CD2AP: variants seen among roughly 807,000 people sequenced by gnomAD.
CD2AP encodes CD2-associated protein.
A neutral mutation model predicts 85.1 loss-of-function variants in CD2AP; 46 were observed. The observed-to-expected ratio is 0.54, with a 90% CI of 0.43 to 0.69. CD2AP has a LOEUF of 0.69. Among genes scored for constraint, CD2AP ranks in the 30% least tolerant of loss-of-function variants. The pLI is 0.00. For synonymous variants in CD2AP, 255 were observed against 252.9 expected (o/e 1.01, Z -0.08); for missense variants, 769 against 729.5 (o/e 1.05, Z -0.62).
intron 12 of CD2AP, among the ~76,000 whole-genome samples, chr6:47,599,089 A>G (rs1769032610): frequency 7.1e-6 from 1 of 140,430 alleles, no homozygotes; most frequent in Admixed American, 7.0e-5. Flanking sequence ...ATTTTATGTT[A>G]TAATAATTTT....
At chr6:47,488,001 T>C (rs1035389795) in intron 1 of CD2AP, among the ~76,000 whole-genome samples, 4 of 151,358 alleles carry the variant, frequency 2.6e-5, no homozygotes, top group Non-Finnish European at 5.9e-5. Flanking sequence ...ATGAAATTAC[T>C]GTTTCAAGAT....
chr6:47,539,967 C>T (rs916930234), intron 3 of CD2AP, among the ~76,000 whole-genome samples: 1 of 151,444 alleles, frequency 6.6e-6, no homozygotes, highest in Non-Finnish European at 1.5e-5. Context: ...TCACTTGAGC[C>T]CAGGAGTTCA....
intron 5 of CD2AP, chr6:47,562,924 A>C: frequency 1.6e-6 from 1 of 622,274 alleles, no homozygotes; most frequent in Non-Finnish European, 3.0e-6. Context: ...AGAAAACCCT[A>C]TAAAGAAATT....
chr6:47,534,561 C>T (rs1161976178), intron 3 of CD2AP, among the ~76,000 whole-genome samples: 1 of 152,000 alleles, frequency 6.6e-6, no homozygotes, highest in Non-Finnish European at 1.5e-5. Context: ...ACAAATTAGC[C>T]GGGCGTGGAG....
intron 11 of CD2AP, among the ~76,000 whole-genome samples, chr6:47,583,675 G>A (rs1044898944): frequency 7.2e-5 from 11 of 152,166 alleles, no homozygotes; most frequent in Non-Finnish European, 1.3e-4. Flanking sequence ...CTCACTGAGG[G>A]ACATCGTGAT....
At chr6:47,542,517 C>T (rs1297239823) in intron 3 of CD2AP, among the ~76,000 whole-genome samples, 21 of 152,084 alleles carry the variant, frequency 1.4e-4, no homozygotes, top group Admixed American at 1.4e-3. Context: ...GCTGTGCTCT[C>T]ATGAATGGGT....
In CD2AP at chr6:47,542,718, T is replaced by C. The variant is rs184225400; in HGVS notation, c.320-1888T>C. On this transcript the variant is annotated intron_variant, in intron 3 of 17. Coordinates refer to ENST00000359314, the MANE Select transcript of CD2AP (RefSeq NM_012120.3). ...CATTACCTAGTCTCAGGTATTTTGT[T>C]ATAGCAGCACAAATAAACCATATCA... Among the ~76,000 whole-genome samples, 181 of 152,272 alleles carry C rather than the reference T, an allele frequency of 1.2e-3. 2 individuals carry two copies. The highest frequency in any genetic ancestry group is 4.2e-3 in the African/African-American group (173 of 41,546).
At chr6:47,532,999 G>T (rs1766930668) in intron 2 of CD2AP, among the ~76,000 whole-genome samples, 1 of 152,100 alleles carries the variant, frequency 6.6e-6, no homozygotes, top group Non-Finnish European at 1.5e-5. Flanking sequence ...CCAGCCCACA[G>T]GACAAGTCTG....
chr6:47,486,085 ACAT>A (rs1200219468), intron 1 of CD2AP, among the ~76,000 whole-genome samples: 1 of 152,246 alleles, frequency 6.6e-6, no homozygotes, highest in East Asian at 1.9e-4. Flanking sequence ...TCACAAGGTC[ACAT>A]CATCAAGCAA....
Position 47,627,247 on chromosome 6 carries a change from A to G in CD2AP, c.*3020A>G, listed in dbSNP as rs972450394. 8.5e-5 allele frequency: 13 copies of G among 152,178 alleles called. No individual in the cohort carries two copies. Among genetic ancestry groups the G allele is most frequent in the African/African-American group, 3.1e-4 (13 of 41,446 alleles). The allele number at this position is 152,178 out of a possible 1,614,324, so 9.4% of individuals were successfully genotyped here. A position where few individuals can be genotyped will look rare whatever the true frequency, so the allele number is the denominator to read the frequency against. ...TTCCAAATACAAGAATAAATAGTAA[A>G]CCAAAAACATTAAAAATTCTAGACC... On this transcript the variant is annotated 3_prime_UTR_variant, in exon 18 of 18. Coordinates refer to ENST00000359314, the MANE Select transcript of CD2AP (RefSeq NM_012120.3).
At chr6:47,514,299 TA>T (rs1766397445) in intron 2 of CD2AP, among the ~76,000 whole-genome samples, 1 of 152,238 alleles carries the variant, frequency 6.6e-6, no homozygotes, top group South Asian at 2.1e-4. Flanking sequence ...ATTTCATTTT[TA>T]TTTTGTAGCT....
Position 47,624,901 on chromosome 6 carries a change from A to G in CD2AP, c.*674A>G, listed in dbSNP as rs2114170314. On this transcript the variant is annotated 3_prime_UTR_variant, in exon 18 of 18. Coordinates refer to ENST00000359314, the MANE Select transcript of CD2AP (RefSeq NM_012120.3). ...ATGAATAATCAAAATAATTTCATCAACTTTTAGAATATTTTATGTTGCTTG... is the reference window on the plus strand; with the variant it reads ...ATGAATAATCAAAATAATTTCATCAGCTTTTAGAATATTTTATGTTGCTTG... 6.6e-6 allele frequency: 1 copy of G among 152,002 alleles called. No homozygotes were observed. Among genetic ancestry groups the G allele is most frequent in the South Asian group, 2.1e-4 (1 of 4,822 alleles). The allele number at this position is 152,002 out of a possible 1,614,324, so 9.4% of individuals were successfully genotyped here. A position where few individuals can be genotyped will look rare whatever the true frequency, so the allele number is the denominator to read the frequency against.
chr6:47,547,172 T>C (rs1190424981), intron 4 of CD2AP, among the ~76,000 whole-genome samples: 2 of 152,076 alleles, frequency 1.3e-5, no homozygotes, highest in African/African-American at 2.4e-5. Flanking sequence ...ACAAATACCA[T>C]GATGAATGGA....
At position 47,520,220 on chromosome 6, in the gene CD2AP, G is replaced by A. The variant is rs190007274; in HGVS notation, c.166-13382G>A. Among the ~76,000 whole-genome samples, 320 of 152,258 alleles carry A rather than the reference G, an allele frequency of 2.1e-3. 4 individuals carry two copies. The highest frequency in any genetic ancestry group is 0.014 in the East Asian group (71 of 5,186). ...ATAAAGCAGACATCTCTGGGGCCTC[G>A]TTATTAAAAGCTGAAGATTTGTGTT... On this transcript the variant is annotated intron_variant, in intron 2 of 17. Coordinates refer to ENST00000359314, the MANE Select transcript of CD2AP (RefSeq NM_012120.3).
At chr6:47,525,282 G>C (rs1322360858) in intron 2 of CD2AP, among the ~76,000 whole-genome samples, 1 of 152,014 alleles carries the variant, frequency 6.6e-6, no homozygotes, top group Non-Finnish European at 1.5e-5. Flanking sequence ...TTATGCTTCT[G>C]TGAAGTAGGA....
chr6:47,548,747 C>G (rs1203169837), intron 4 of CD2AP, among the ~76,000 whole-genome samples: 1 of 151,736 alleles, frequency 6.6e-6, no homozygotes, highest in Non-Finnish European at 1.5e-5. Flanking sequence ...AAGGACATAA[C>G]AAAAAAAGAA....
rs758392587 is a variant in CD2AP at position 47,574,128 on chromosome 6, T to C, written c.606T>C (p.Ser202=). The change falls in exon 6 of 18, where the codon TCT becomes TCC. Residue 202 remains serine, a synonymous_variant. Coordinates refer to ENST00000359314, the MANE Select transcript of CD2AP (RefSeq NM_012120.3). ...TGGGAAATGTGAGTGAAACTGCATC[T>C]GGATCAGTTACACAGCCAAAGAAAA... ...PSLGNVSETA[S]GSVTQPKKIR... The C allele has an allele frequency of 6.2e-7, 1 of 1,613,910 alleles. No individual in the cohort carries two copies.
At chr6:47,519,354 GGCT>G (rs1403468836) in intron 2 of CD2AP, among the ~76,000 whole-genome samples, 2 of 139,598 alleles carry the variant, frequency 1.4e-5, no homozygotes, top group Non-Finnish European at 3.2e-5. Flanking sequence ...AGACAAAGTA[GGCT>G]GCATGTGATG....
Position 47,509,210 on chromosome 6 carries a change from T to G in CD2AP, c.165+5770T>G, listed in dbSNP as rs191924477. On this transcript the variant is annotated intron_variant, in intron 2 of 17. Transcript: ENST00000359314. ...ACAGTTAGAAGACACACAATATTTATTAAATTTGCTGTCTGACAAGGGCAC... is the reference window on the plus strand; with the variant it reads ...ACAGTTAGAAGACACACAATATTTAGTAAATTTGCTGTCTGACAAGGGCAC... Among the ~76,000 whole-genome samples, 585 of 152,308 alleles carry G rather than the reference T, an allele frequency of 3.8e-3. 4 individuals are homozygous for G. Among genetic ancestry groups the G allele is most frequent in the Middle Eastern group, 0.017 (5 of 294 alleles).
Sources: gnomAD v4.1 joint callset for allele counts (sites outside exome capture counted in the v4.1 genomes callset) on GRCh38, gnomAD v4.1.1 for gene constraint, MANE v1.5 for transcripts, NCBI Gene and HGNC (gene_info 2026-07-23, HGNC 2026-07-21) for gene names.